The following POLR3B variants were observed in gnomAD, a reference collection of about 807,000 sequenced individuals.
POLR3B encodes RNA polymerase III subunit B.
A neutral mutation model predicts 147.4 loss-of-function variants in POLR3B; 96 were observed. The observed-to-expected ratio is 0.65, with a 90% CI of 0.55 to 0.77. The LOEUF (loss-of-function observed/expected upper bound fraction) is 0.77. Among genes scored for constraint, POLR3B ranks in the 30% least tolerant of loss-of-function variants. The pLI is 0.00. For missense variants in POLR3B, 1,036 were observed against 1,413.5 expected, an observed-to-expected ratio of 0.73 and a Z score of 4.28; for synonymous variants, 461 against 485.9, an observed-to-expected ratio of 0.95 and a Z score of 0.67.
Position 106,499,897 on chromosome 12 carries a change from C to T in POLR3B, c.2985-1426C>T, listed in dbSNP as rs530589307. 9.5e-4 allele frequency among the ~76,000 whole-genome samples: 144 copies of T among 152,300 alleles called. 1 individual carries two copies. The highest frequency in any genetic ancestry group is 3.4e-3 in the African/African-American group (141 of 41,576). On this transcript the variant is annotated intron_variant, in intron 25 of 27. Transcript: ENST00000228347. ...ATGCTGAGAGTGTGATCAGGGACAC[C>T]GAGCAAACAGTGGCCAAGCTTTTCC...
Position 106,457,202 on chromosome 12 carries a change from T to G in POLR3B, c.2358T>G (p.Thr786=). The change falls in exon 21 of 28, where the codon ACT becomes ACG. Residue 786 remains threonine (T), a synonymous_variant. Transcript: ENST00000228347. ...KCTLKRYTNQ[T]FDKVMGPMLD... ...CGTTGAAACGATACACCAATCAGAC[T>G]TTTGATAAAGTGATGGGGCCCATGT... 6.2e-7 allele frequency: 1 copy of G among 1,613,400 alleles called. No homozygotes were observed.
chr12:106,454,487 C>G lies in POLR3B; in HGVS notation c.2084-15C>G, dbSNP rs181026609. 7.8e-7 allele frequency: 1 copy of G among 1,286,002 alleles called. No homozygotes were observed. Among genetic ancestry groups the G allele is most frequent in the East Asian group, 2.3e-5 (1 of 43,318 alleles). The allele number at this position is 1,286,002 out of a possible 1,614,324, so 79.7% of individuals were successfully genotyped here. The stretch of plus-strand genomic sequence containing the variant: ...AATAGAATGTTGTATTTTGTTTTCT[C>G]CCATATCAATGCAGGTACTATAGGA... On this transcript the variant is annotated splice_polypyrimidine_tract_variant and intron_variant, in intron 19 of 27. Transcript: ENST00000228347.
chr12:106,384,735 A>G (rs188376647), intron 9 of POLR3B, among the ~76,000 whole-genome samples: 10 of 152,218 alleles, frequency 6.6e-5, no homozygotes, highest in Admixed American at 6.5e-4. Context: ...TCTGGAGAAA[A>G]TATGTGTTAG....
intron 6 of POLR3B, among the ~76,000 whole-genome samples, chr12:106,374,729 G>A (rs1433641159): frequency 6.6e-6 from 1 of 152,070 alleles, no homozygotes; most frequent in African/African-American, 2.4e-5. Flanking sequence ...CGTTGACCAG[G>A]ATGGTCTCGA....
Position 106,459,287 on chromosome 12 carries a change from A to C in POLR3B, c.2489A>C (p.Lys830Thr). ...GAAAACAAACAAGTGCTTGTAAATA[A>C]GTCCATGCCCACAGTGACTCAGATT... ...KVENKQVLVNKSMPTVTQIPL... is the reference protein window; with the variant it reads ...KVENKQVLVNTSMPTVTQIPL... The change falls in exon 22 of 28, where the codon AAG becomes ACG. Residue 830 changes from lysine to threonine, a missense_variant. By Grantham distance (78) the Lys-to-Thr change is moderately conservative. This residue lies in a region of POLR3B where 202 missense variants were observed against 272.8 expected (regional missense o/e 0.74). Transcript: ENST00000228347. 1 of 1,610,024 alleles carries C rather than the reference A, an allele frequency of 6.2e-7. No homozygotes were observed. The highest frequency in any genetic ancestry group is 1.3e-5 in the African/African-American group (1 of 74,968).
intron 10 of POLR3B, among the ~76,000 whole-genome samples, chr12:106,396,135 C>T (rs1206560881): frequency 6.6e-6 from 1 of 152,090 alleles, no homozygotes; most frequent in Non-Finnish European, 1.5e-5. Context: ...GTTATCTTGG[C>T]CTTTGCATCA....
At chr12:106,396,366 A>G (rs1431655521) in intron 10 of POLR3B, among the ~76,000 whole-genome samples, 1 of 152,224 alleles carries the variant, frequency 6.6e-6, no homozygotes, top group Admixed American at 6.5e-5. Flanking sequence ...AAGTGTTTTC[A>G]GGGTTTTAAT....
intron 1 of POLR3B, among the ~76,000 whole-genome samples, chr12:106,361,057 C>T (rs1471168336): frequency 1.3e-5 from 2 of 152,074 alleles, no homozygotes; most frequent in African/African-American, 2.4e-5. Context: ...ATGTATGCCT[C>T]GCTGTGGAGT....
intron 9 of POLR3B, among the ~76,000 whole-genome samples, chr12:106,390,494 T>A (rs575647048): frequency 6.6e-6 from 1 of 152,218 alleles, no homozygotes; most frequent in African/African-American, 2.4e-5. Flanking sequence ...TAGTTTTGTT[T>A]GTTTAAAAAT....
intron 13 of POLR3B, among the ~76,000 whole-genome samples, chr12:106,429,435 G>A (rs546042569): frequency 3.3e-5 from 5 of 151,964 alleles, no homozygotes; most frequent in Non-Finnish European, 7.4e-5. Context: ...CAACACACCC[G>A]GCCTGCTTTG....
intron 22 of POLR3B, among the ~76,000 whole-genome samples, chr12:106,461,884 C>A (rs2037942427): frequency 6.6e-6 from 1 of 152,192 alleles, no homozygotes; most frequent in Non-Finnish European, 1.5e-5. Context: ...CAGTTCTCAG[C>A]ACTCCAGTCA....
chr12:106,426,854 C>A (rs963098957), intron 12 of POLR3B, among the ~76,000 whole-genome samples: 9 of 56,768 alleles, frequency 1.6e-4, no homozygotes, highest in African/African-American at 2.1e-4. Flanking sequence ...CCCCCCCCCC[C>A]CCGTCCTTTT....
In POLR3B at chr12:106,509,779, C is replaced by T. The variant is rs1350487527; in HGVS notation, c.*230C>T. 2 of 460,992 alleles carry T rather than the reference C, an allele frequency of 4.3e-6. No individual in the cohort carries two copies. Among genetic ancestry groups the T allele is most frequent in the Non-Finnish European group, 8.0e-6 (2 of 250,152 alleles). The allele number at this position is 460,992 out of a possible 1,614,324, so 28.6% of individuals were successfully genotyped here. On this transcript the variant is annotated 3_prime_UTR_variant, in exon 28 of 28. Coordinates refer to ENST00000228347, the MANE Select transcript of POLR3B (RefSeq NM_018082.6). ...GATGCTGACCATGTGGACTGCAAGG[C>T]TGCTTGATTCACAGATGGATGTGAC...
In POLR3B at chr12:106,432,483, G is replaced by A. The variant is rs770882135; in HGVS notation, c.1627+3G>A. 37 of 1,609,398 alleles carry A rather than the reference G, an allele frequency of 2.3e-5. No homozygotes were observed. In the South Asian group the frequency reaches 3.5e-4, roughly 15 times the overall value. ...TGTGTTTCTTGTCTTTCTTAATGGT[G>A]GGTATATTATAGAGACATGTTGGTC... On this transcript the variant is annotated splice_donor_region_variant and intron_variant, in intron 15 of 27. Transcript: ENST00000228347.
chr12:106,495,309 G>A (rs2038462706), intron 23 of POLR3B, among the ~76,000 whole-genome samples: 1 of 152,014 alleles, frequency 6.6e-6, no homozygotes, highest in South Asian at 2.1e-4. Flanking sequence ...TTTTTGTTTT[G>A]TTGTTTTCAT....
At chr12:106,503,602 A>T (rs1296422708) in intron 26 of POLR3B, among the ~76,000 whole-genome samples, 1 of 152,232 alleles carries the variant, frequency 6.6e-6, no homozygotes, top group Non-Finnish European at 1.5e-5. Context: ...CAAGAGGCTA[A>T]CAGCTCTGGC....
intron 17 of POLR3B, among the ~76,000 whole-genome samples, chr12:106,437,361 G>A (rs1322988061): frequency 6.6e-6 from 1 of 152,112 alleles, no homozygotes; most frequent in African/African-American, 2.4e-5. Flanking sequence ...AGTGTTTCTG[G>A]TAAGAAAAGG....
chr12:106,496,903 C>T lies in POLR3B; in HGVS notation c.2969C>T (p.Thr990Ile). Residue 990 changes from threonine (T) to isoleucine (I), a missense_variant, in exon 25 of 28, where the codon ACA becomes ATA. This residue lies in a region of POLR3B where 88 missense variants were observed against 87.5 expected (regional missense o/e 1.01). Transcript: ENST00000228347. Reference protein sequence around the residue: ...GYNYLGKDYVTSGITGEPLEA... With the variant: ...GYNYLGKDYVISGITGEPLEA... ...AACTACTTGGGGAAAGACTATGTTA[C>T]ATCCGGCATCACAGGGTAAGCATGC... The T allele has an allele frequency of 6.2e-7, 1 of 1,613,948 alleles. No homozygotes were observed. Among genetic ancestry groups the T allele is most frequent in the Non-Finnish European group, 8.5e-7 (1 of 1,179,936 alleles).
intron 10 of POLR3B, among the ~76,000 whole-genome samples, chr12:106,396,261 G>A (rs1044915162): frequency 3.9e-5 from 6 of 152,134 alleles, no homozygotes; most frequent in Non-Finnish European, 7.3e-5. Flanking sequence ...AGCTTAGTTG[G>A]GGGAAAACTG....
Sources: allele counts gnomAD v4.1 joint callset (sites outside exome capture counted in the v4.1 genomes callset), GRCh38; gene constraint gnomAD v4.1.1; regional missense constraint gnomAD v4.1.1; transcripts MANE v1.5; gene names NCBI Gene and HGNC (gene_info 2026-07-23, HGNC 2026-07-21).